The following AUTS2 variants were observed in gnomAD, a reference collection of about 807,000 sequenced individuals.
AUTS2 encodes the protein autism susceptibility gene 2 protein.
A neutral mutation model predicts 112.4 loss-of-function variants in AUTS2; 17 were observed. That is an observed-to-expected ratio of 0.15 (90% CI 0.10 to 0.23). AUTS2 has a LOEUF of 0.23. Among genes scored for constraint, AUTS2 ranks in the 10% least tolerant of loss-of-function variants. AUTS2 has a pLI of 1.00. For synonymous variants in AUTS2, 751 were observed against 702.7 expected (o/e 1.07, Z -1.09); for missense variants, 1,510 against 1,701.6 (o/e 0.89, Z 1.98).
At chr7:70,617,461 G>A (rs1376943781) in intron 5 of AUTS2, among the ~76,000 whole-genome samples, 1 of 152,170 alleles carries the variant, frequency 6.6e-6, no homozygotes, top group Non-Finnish European at 1.5e-5. Flanking sequence ...AGGAGATCAA[G>A]ACCATCCTGG....
At chr7:70,247,014 C>T (rs990341605) in intron 4 of AUTS2, among the ~76,000 whole-genome samples, 2 of 151,790 alleles carry the variant, frequency 1.3e-5, no homozygotes, top group African/African-American at 4.8e-5. Flanking sequence ...TCTCGTTCTT[C>T]GTATATACCC....
chr7:70,595,041 C>T (rs772004900), intron 5 of AUTS2, among the ~76,000 whole-genome samples: 1 of 151,622 alleles, frequency 6.6e-6, no homozygotes, highest in Non-Finnish European at 1.5e-5. Flanking sequence ...GCGGAGGCTG[C>T]AGTGAGCCGA....
intron 1 of AUTS2, among the ~76,000 whole-genome samples, chr7:69,673,221 G>A (rs541360033): frequency 5.3e-5 from 8 of 152,314 alleles, no homozygotes; most frequent in Admixed American, 3.9e-4. Context: ...GGGCACAGAA[G>A]GAGACTGTCT....
intron 2 of AUTS2, among the ~76,000 whole-genome samples, chr7:69,995,460 G>A (rs73168790): frequency 2.0e-5 from 3 of 152,168 alleles, no homozygotes; most frequent in Admixed American, 6.5e-5. Flanking sequence ...ATTAAATACC[G>A]ACTGACTATG....
intron 1 of AUTS2, among the ~76,000 whole-genome samples, chr7:69,757,065 C>T (rs1198620030): frequency 6.6e-6 from 1 of 152,198 alleles, no homozygotes; most frequent in African/African-American, 2.4e-5. Flanking sequence ...ATTAGTCCTT[C>T]GCTTTATCCT....
At chr7:69,726,024 T>G (rs1786492242) in intron 1 of AUTS2, among the ~76,000 whole-genome samples, 2 of 152,196 alleles carry the variant, frequency 1.3e-5, no homozygotes, top group African/African-American at 4.8e-5. Context: ...AAATTAGAAT[T>G]ACCTGGGGAT....
intron 4 of AUTS2, among the ~76,000 whole-genome samples, chr7:70,434,887 C>T (rs1233220676): frequency 6.6e-6 from 1 of 152,226 alleles, no homozygotes; most frequent in East Asian, 1.9e-4. Flanking sequence ...TAACAAAACA[C>T]ATCCCCCAGT....
At chr7:70,131,217 G>A (rs144083529) in intron 3 of AUTS2, among the ~76,000 whole-genome samples, 65 of 152,142 alleles carry the variant, frequency 4.3e-4, no homozygotes, top group Middle Eastern at 3.4e-3. Flanking sequence ...TTGGGAAGCC[G>A]ACACAAGAGG....
chr7:69,734,365 T>TTTC (rs200950244), intron 1 of AUTS2, among the ~76,000 whole-genome samples: 1 of 150,630 alleles, frequency 6.6e-6, no homozygotes, highest in Non-Finnish European at 1.5e-5. Flanking sequence ...TTTTTTTTTT[T>TTTC]AATGTCTTAG....
At chr7:70,127,367 C>T (rs1806033312) in intron 3 of AUTS2, among the ~76,000 whole-genome samples, 2 of 152,146 alleles carry the variant, frequency 1.3e-5, no homozygotes, top group Non-Finnish European at 2.9e-5. Context: ...CTCCTGGCCT[C>T]AGGTAATCCA....
At chr7:70,128,626 C>T (rs1444747876) in intron 3 of AUTS2, among the ~76,000 whole-genome samples, 1 of 152,152 alleles carries the variant, frequency 6.6e-6, no homozygotes, top group Non-Finnish European at 1.5e-5. Context: ...TGTGTGGCTA[C>T]AGTAGAGTGA....
At chr7:70,452,941 A>G (rs1482187068) in intron 5 of AUTS2, among the ~76,000 whole-genome samples, 1 of 152,088 alleles carries the variant, frequency 6.6e-6, no homozygotes, top group South Asian at 2.1e-4. Flanking sequence ...TGAATTTACT[A>G]ATGTTGTGTG....
chr7:70,070,494 G>C (rs1404232340), intron 2 of AUTS2, among the ~76,000 whole-genome samples: 1 of 151,816 alleles, frequency 6.6e-6, no homozygotes, highest in South Asian at 2.1e-4. Context: ...CAGGAGAATC[G>C]CTTGAACCCG....
At chr7:69,788,627 A>C (rs1403599359) in intron 1 of AUTS2, among the ~76,000 whole-genome samples, 1 of 152,184 alleles carries the variant, frequency 6.6e-6, no homozygotes, top group South Asian at 2.1e-4. Context: ...GTTTTTGTGC[A>C]GCTCTTCAAG....
chr7:70,237,309 T>C lies in AUTS2; in HGVS notation c.660+102738T>C, dbSNP rs77949636. 2.9e-3 allele frequency among the ~76,000 whole-genome samples: 444 copies of C among 152,362 alleles called. 5 individuals carry two copies. Among genetic ancestry groups the C allele is most frequent in the African/African-American group, 0.01 (430 of 41,592 alleles). ...TGTCACTGCCACAATTATCTCATTG[T>C]AGTTTAAAGAGAGTCAGCTTCCAGT... On this transcript the variant is annotated intron_variant, in intron 4 of 18. Coordinates refer to ENST00000342771, the MANE Select transcript of AUTS2 (RefSeq NM_015570.4).
intron 3 of AUTS2, among the ~76,000 whole-genome samples, chr7:70,122,617 G>A (rs1805741396): frequency 6.6e-6 from 1 of 151,810 alleles, no homozygotes; most frequent in Admixed American, 6.6e-5. Context: ...GATTCATATT[G>A]TTTATTATAT....
chr7:69,803,207 G>T (rs1010861563), intron 1 of AUTS2, among the ~76,000 whole-genome samples: 4 of 152,078 alleles, frequency 2.6e-5, no homozygotes, highest in African/African-American at 9.7e-5. Context: ...TGCTTTACTT[G>T]GAATACTGTA....
intron 1 of AUTS2, among the ~76,000 whole-genome samples, chr7:69,631,291 C>T (rs1362556485): frequency 1.9e-4 from 29 of 152,150 alleles, no homozygotes; most frequent in Non-Finnish European, 1.8e-4. Context: ...TAGAAGAGGG[C>T]AGTGTTTCTG....
At chr7:69,866,433 G>A (rs1333115509) in intron 1 of AUTS2, among the ~76,000 whole-genome samples, 1 of 152,106 alleles carries the variant, frequency 6.6e-6, no homozygotes, top group Non-Finnish European at 1.5e-5. Context: ...CCCCTGGAGT[G>A]TACTTTGTTG....
Sources: allele counts gnomAD v4.1 joint callset (sites outside exome capture counted in the v4.1 genomes callset), GRCh38; gene constraint gnomAD v4.1.1; transcripts MANE v1.5; gene names NCBI Gene and HGNC (gene_info 2026-07-23, HGNC 2026-07-21).